The following ZNF710 variants were observed in gnomAD, a reference collection of about 807,000 sequenced individuals.
ZNF710 encodes zinc finger protein 710.
In ZNF710, 13 loss-of-function variants were observed where a neutral mutation model predicts 50.6. The observed-to-expected ratio is 0.26, with a 90% CI of 0.17 to 0.41. The LOEUF (loss-of-function observed/expected upper bound fraction) is 0.41, where lower values mean the gene tolerates loss of function less well. Among genes scored for constraint, ZNF710 ranks in the 10% least tolerant of loss-of-function variants. The pLI is 1.00. For missense variants in ZNF710, 721 were observed against 936.6 expected, an observed-to-expected ratio of 0.77 and a Z score of 3.01; for synonymous variants, 383 against 397.0, an observed-to-expected ratio of 0.96 and a Z score of 0.42.
chr15:90,014,117 C>G (rs1452484651), intron 1 of ZNF710, among the ~76,000 whole-genome samples: 1 of 151,830 alleles, frequency 6.6e-6, no homozygotes. Flanking sequence ...CACCCCCGGT[C>G]TTGGACAAAG....
chr15:90,016,516 A>G (rs1898459989), intron 1 of ZNF710, among the ~76,000 whole-genome samples: 1 of 152,148 alleles, frequency 6.6e-6, no homozygotes, highest in Admixed American at 6.6e-5. Flanking sequence ...ATCATAGCTC[A>G]CTGCAGCCTC....
intron 4 of ZNF710, among the ~76,000 whole-genome samples, chr15:90,076,855 C>T (rs543680743): frequency 6.6e-6 from 1 of 152,264 alleles, no homozygotes; most frequent in Non-Finnish European, 1.5e-5. Flanking sequence ...TCCCTGTACA[C>T]CTTGTTCCTC....
chr15:90,049,441 G>A (rs1899569572), intron 1 of ZNF710, among the ~76,000 whole-genome samples: 1 of 152,188 alleles, frequency 6.6e-6, no homozygotes, highest in Non-Finnish European at 1.5e-5. Flanking sequence ...GTCACAGCCA[G>A]CCATTCGCTT....
At chr15:90,064,703 G>T (rs8034830) in intron 1 of ZNF710, among the ~76,000 whole-genome samples, 10,143 of 152,160 alleles carry the variant, frequency 0.067, 1,076 homozygotes, top group African/African-American at 0.23. Context: ...GGCCAGGCTG[G>T]TCTCGAACTC....
chr15:90,070,083 C>T (rs983416188), intron 2 of ZNF710, among the ~76,000 whole-genome samples: 3 of 152,224 alleles, frequency 2.0e-5, no homozygotes, highest in South Asian at 4.1e-4. Flanking sequence ...TCACGGTAGA[C>T]ACTATAGGGA....
intron 1 of ZNF710, among the ~76,000 whole-genome samples, chr15:90,012,522 G>A (rs111518863): frequency 2.0e-5 from 3 of 151,734 alleles, no homozygotes; most frequent in African/African-American, 4.8e-5. Context: ...CACCCGCCTC[G>A]GCCTCCCAAA....
At chr15:90,061,408 G>A (rs529628144) in intron 1 of ZNF710, among the ~76,000 whole-genome samples, 1 of 152,270 alleles carries the variant, frequency 6.6e-6, no homozygotes, top group Admixed American at 6.5e-5. Context: ...CTGAGCTCAA[G>A]TGATCCGCCT....
At position 90,080,836 on chromosome 15, in the gene ZNF710, T is replaced by C. The variant is rs1309866945; in HGVS notation, c.*1007T>C. ...CCACAGAGGGAAATCAAGGGTTTTT[T>C]TGAGCAAAGGGGGTCTTCTGAAGGT... On this transcript the variant is annotated 3_prime_UTR_variant, in exon 5 of 5. Coordinates refer to ENST00000268154, the MANE Select transcript of ZNF710 (RefSeq NM_198526.4). 6.6e-6 allele frequency: 1 copy of C among 152,260 alleles called. No individual in the cohort carries two copies. Among genetic ancestry groups the C allele is most frequent in the Non-Finnish European group, 1.5e-5 (1 of 68,044 alleles). 9.4% of individuals were successfully genotyped at this position (152,260 alleles called of 1,614,324 possible).
upstream of ZNF710, among the ~76,000 whole-genome samples, chr15:90,000,898 C>A (rs905645900): frequency 6.6e-6 from 1 of 152,124 alleles, no homozygotes; most frequent in Non-Finnish European, 1.5e-5. Context: ...CCCCTTTGTA[C>A]CGGACAGGGC....
rs1323420524 is a variant in ZNF710 at position 90,059,869 on chromosome 15, G to T, written c.-28-7241G>T. ...ATCCCGTGCATGTTTTTCACAGCGG[G>T]TGTACAGGCCTGGAACTTCCTCTTC... On this transcript the variant is annotated intron_variant, in intron 1 of 4. Coordinates refer to ENST00000268154, the MANE Select transcript of ZNF710 (RefSeq NM_198526.4). The surrounding 1 kb of genome is among the most constrained non-coding windows in gnomAD (Gnocchi z 4.1). Among the ~76,000 whole-genome samples the T allele has an allele frequency of 6.6e-6, 1 of 152,212 alleles. No homozygotes were observed. Among genetic ancestry groups the T allele is most frequent in the Non-Finnish European group, 1.5e-5 (1 of 68,036 alleles).
chr15:90,027,715 G>A (rs910048013), intron 1 of ZNF710, among the ~76,000 whole-genome samples: 6 of 152,034 alleles, frequency 3.9e-5, no homozygotes, highest in Non-Finnish European at 8.8e-5. Context: ...AGCTGGATGT[G>A]GTGGTGTGTG....
chr15:90,022,236 T>G (rs1335345201), intron 1 of ZNF710, among the ~76,000 whole-genome samples: 1 of 145,376 alleles, frequency 6.9e-6, no homozygotes, highest in Admixed American at 6.8e-5. Flanking sequence ...ATTAGCCGGG[T>G]GTGGTGGTGC....
Position 90,059,820 on chromosome 15 carries a change from A to C in ZNF710, c.-28-7290A>C, listed in dbSNP as rs1171348800. On this transcript the variant is annotated intron_variant, in intron 1 of 4. Transcript: ENST00000268154. This position sits in a 1 kb window ranked among gnomAD's most constrained non-coding sequence, Gnocchi z 4.1. ...GAGGAGGACAACAGGGGAAACCAAG[A>C]GGCTGGTTTCCTTAGGCGGTGAAAT... 2.0e-5 allele frequency among the ~76,000 whole-genome samples: 3 copies of C among 152,192 alleles called. No individual in the cohort carries two copies. Among genetic ancestry groups the C allele is most frequent in the Admixed American group, 1.3e-4 (2 of 15,284 alleles).
chr15:90,031,560 G>T (rs972096328), intron 1 of ZNF710, among the ~76,000 whole-genome samples: 1 of 152,194 alleles, frequency 6.6e-6, no homozygotes, highest in African/African-American at 2.4e-5. Flanking sequence ...CTCAACACCA[G>T]GTCTTTGCAC....
chr15:90,010,357 C>T (rs1454010865), intron 1 of ZNF710, among the ~76,000 whole-genome samples: 3 of 152,274 alleles, frequency 2.0e-5, no homozygotes, highest in Non-Finnish European at 2.9e-5. Context: ...TGGCAGATCT[C>T]AGCTCACTGC....
chr15:90,064,999 C>T (rs1900121896), intron 1 of ZNF710, among the ~76,000 whole-genome samples: 1 of 152,194 alleles, frequency 6.6e-6, no homozygotes. Context: ...CATTTCCCAG[C>T]AGCTGGACAT....
rs768322041 is a variant in ZNF710 at position 90,067,600 on chromosome 15, G to A, written c.463G>A (p.Ala155Thr). 9 of 1,610,514 alleles carry A rather than the reference G, an allele frequency of 5.6e-6. No individual in the cohort carries two copies. The highest frequency in any genetic ancestry group is 2.2e-5 in the East Asian group (1 of 44,704). The change falls in exon 2 of 5, where the codon GCC (alanine) becomes ACC (threonine). Residue 155 changes from alanine (A) to threonine (T), a missense_variant. Around this residue, in one of 3 missense-constraint regions of ZNF710, gnomAD observed 326 missense variants for 347.1 expected, o/e 0.94. Transcript: ENST00000268154. The surrounding 1 kb of genome is among the most constrained non-coding windows in gnomAD (Gnocchi z 8.1). The stretch of plus-strand genomic sequence containing the variant: ...CTGCGACGCCCTGGTGCAGAGCAGC[G>A]CCGTCAAGATGATCGACCTCAGCGC... Reference protein sequence around the residue: ...GGCDALVQSSAVKMIDLSAFS... With the variant: ...GGCDALVQSSTVKMIDLSAFS...
In ZNF710 at chr15:90,068,227, A is replaced by G. The variant is rs2151529159; in HGVS notation, c.1090A>G (p.Ser364Gly). ...ATGCCACAAGGCCTTCACGCAGACC[A>G]GCCACCTCAAGCGCCACATGCTGCT... is the stretch of plus-strand genomic sequence containing the variant. ...QVCHKAFTQT[S>G]HLKRHMLLHS... The change falls in exon 2 of 5, where the codon AGC (serine) becomes GGC (glycine). Residue 364 changes from serine to glycine, a missense_variant. Transcript: ENST00000268154. This position sits in a 1 kb window ranked among gnomAD's most constrained non-coding sequence, Gnocchi z 5.0. 6.2e-7 allele frequency: 1 copy of G among 1,613,632 alleles called. No individual in the cohort carries two copies. The highest frequency in any genetic ancestry group is 8.5e-7 in the Non-Finnish European group (1 of 1,179,982).
rs1389788733 is a variant in ZNF710, at chr15:90,068,302, G to A, written c.1165G>A (p.Ala389Thr). The A allele has an allele frequency of 6.2e-7, 1 of 1,612,838 alleles. No individual in the cohort carries two copies. Among genetic ancestry groups the A allele is most frequent in the Non-Finnish European group, 8.5e-7 (1 of 1,180,012 alleles). ...YSCHFCGRGFAYPSELKAHEV... is the reference protein window; with the variant it reads ...YSCHFCGRGFTYPSELKAHEV... ...CTGCCACTTCTGCGGCCGCGGCTTC[G>A]CCTACCCCAGCGAGCTCAAGGCCCA... The change falls in exon 2 of 5, where the codon GCC (alanine) becomes ACC (threonine). Residue 389 changes from alanine (A) to threonine (T), a missense_variant. This residue lies in a region of ZNF710 where 326 missense variants were observed against 522.0 expected (regional missense o/e 0.62). Coordinates refer to ENST00000268154, the MANE Select transcript of ZNF710 (RefSeq NM_198526.4). The surrounding 1 kb of genome is among the most constrained non-coding windows in gnomAD (Gnocchi z 5.0).
Sources: gnomAD v4.1 joint callset for allele counts (sites outside exome capture counted in the v4.1 genomes callset) on GRCh38, gnomAD v4.1.1 for gene constraint, gnomAD v4.1.1 regional missense constraint, Gnocchi (gnomAD v3.1) non-coding constraint, MANE v1.5 for transcripts, NCBI Gene and HGNC (gene_info 2026-07-23, HGNC 2026-07-21) for gene names.